The following PCDHGB4 variants were observed in gnomAD, a reference collection of about 807,000 sequenced individuals.
PCDHGB4 encodes the protein protocadherin gamma subfamily B, 4.
PCDHGB4 carries 38 observed loss-of-function variants against 60.5 expected under a neutral mutation model. The ratio of observed to expected loss-of-function variants is 0.63; its 90% CI spans 0.48 to 0.82. The LOEUF (loss-of-function observed/expected upper bound fraction) is 0.82, where lower values mean the gene tolerates loss of function less well. PCDHGB4 is among the 40% of genes least tolerant of loss of function. PCDHGB4 has a pLI of 0.00. For synonymous variants in PCDHGB4, 456 were observed against 509.7 expected (o/e 0.89, Z 1.42); for missense variants, 1,109 against 1,209.6 (o/e 0.92, Z 1.23).
chr5:141,394,325 T>G (rs563526295), intron 1 of PCDHGB4: 3 of 1,614,012 alleles, frequency 1.9e-6, no homozygotes, highest in South Asian at 2.2e-5. Flanking sequence ...TGTCCTCGTA[T>G]ATCTCCATCA....
At chr5:141,461,974 C>T (rs2099027742) in intron 1 of PCDHGB4, among the ~76,000 whole-genome samples, 1 of 152,202 alleles carries the variant, frequency 6.6e-6, no homozygotes, top group Non-Finnish European at 1.5e-5. Context: ...CAGGCATATG[C>T]CACCACGCCA....
At position 141,477,596 on chromosome 5, in the gene PCDHGB4, T is replaced by G. The variant is rs1364779381; in HGVS notation, c.2398-17211T>G. ...CGCCCCGCAGAATGCTCGGCTTTCTTTCTTTCTCTTGGAGCAAGGAGCTGA... is the reference window on the plus strand; with the variant it reads ...CGCCCCGCAGAATGCTCGGCTTTCTGTCTTTCTCTTGGAGCAAGGAGCTGA... On this transcript the variant is annotated intron_variant, in intron 1 of 3. Transcript: ENST00000519479. This position sits in a 1 kb window ranked among gnomAD's most constrained non-coding sequence, Gnocchi z 4.9. The G allele has an allele frequency of 6.2e-7, 1 of 1,614,184 alleles. No individual in the cohort carries two copies. The highest frequency in any genetic ancestry group is 1.1e-5 in the South Asian group (1 of 91,086).
intron 1 of PCDHGB4, among the ~76,000 whole-genome samples, chr5:141,472,422 C>T (rs1328468154): frequency 6.6e-6 from 1 of 152,008 alleles, no homozygotes; most frequent in East Asian, 1.9e-4. Flanking sequence ...GCACCTGTAT[C>T]CCAGCTACTA....
chr5:141,452,951 G>T (rs1397204185), intron 1 of PCDHGB4, among the ~76,000 whole-genome samples: 13 of 152,154 alleles, frequency 8.5e-5, no homozygotes, highest in Admixed American at 8.5e-4. Context: ...GCAATTGGTT[G>T]TCTTTAAACT....
chr5:141,491,233 G>T lies in PCDHGB4; in HGVS notation c.2398-3574G>T. 1 of 1,614,224 alleles carries T rather than the reference G, an allele frequency of 6.2e-7. No homozygotes were observed. The highest frequency in any genetic ancestry group is 2.2e-5 in the East Asian group (1 of 44,890). On this transcript the variant is annotated intron_variant, in intron 1 of 3. Transcript: ENST00000519479. The surrounding 1 kb of genome is among the most constrained non-coding windows in gnomAD (Gnocchi z 6.9). ...CTCCTCCACAGCCACAGTGCTGCTG[G>T]TTCTGGAGGATGAGGACCCTGAGGA...
At chr5:141,404,469 C>T (rs1239367876) in intron 1 of PCDHGB4, 3 of 1,612,966 alleles carry the variant, frequency 1.9e-6, no homozygotes, top group African/African-American at 1.3e-5. Flanking sequence ...ACCTATGTCT[C>T]TATTAACTCA....
chr5:141,389,450 G>C lies in PCDHGB4; in HGVS notation c.1566G>C (p.Gln522His). 6.2e-7 allele frequency: 1 copy of C among 1,610,530 alleles called. No individual in the cohort carries two copies. Among genetic ancestry groups the C allele is most frequent in the Non-Finnish European group, 8.5e-7 (1 of 1,178,364 alleles). ...CGCAGCGCGCCTTCGACCACGAGCA[G>C]CTGCGCGCCTTCGAACTCACACTGC... ...VFAQRAFDHEQLRAFELTLQA... is the reference protein window; with the variant it reads ...VFAQRAFDHEHLRAFELTLQA... Residue 522 changes from glutamine (Q) to histidine (H), a missense_variant, in exon 1 of 4, where the codon CAG (glutamine) becomes CAC (histidine). Gln to His is a conservative substitution (Grantham distance 24). Coordinates refer to ENST00000519479, the MANE Select transcript of PCDHGB4 (RefSeq NM_003736.4).
At chr5:141,502,082 G>A (rs538827992) in intron 2 of PCDHGB4, among the ~76,000 whole-genome samples, 1 of 152,252 alleles carries the variant, frequency 6.6e-6, no homozygotes, top group Non-Finnish European at 1.5e-5. Flanking sequence ...ACCTGGGGCT[G>A]AGAACACCTG....
In PCDHGB4 at chr5:141,389,528, G is replaced by A. The variant is rs200792478; in HGVS notation, c.1644G>A (p.Val548=). 1.2e-6 allele frequency: 2 copies of A among 1,613,210 alleles called. No homozygotes were observed. The highest frequency in any genetic ancestry group is 2.2e-5 in the East Asian group (1 of 44,880). Residue 548 remains valine, a synonymous_variant, in exon 1 of 4, where the codon GTG becomes GTA. Coordinates refer to ENST00000519479, the MANE Select transcript of PCDHGB4 (RefSeq NM_003736.4). ...PALSANVSLR[V]LVDDRNDNAP... is the part of the protein sequence containing the mutation. ...TCAGCGCGAACGTGAGCCTGCGCGTGTTAGTGGACGACCGCAACGACAATG... is the reference window on the plus strand; with the variant it reads ...TCAGCGCGAACGTGAGCCTGCGCGTATTAGTGGACGACCGCAACGACAATG...
chr5:141,415,269 G>T, intron 1 of PCDHGB4: 1 of 1,614,228 alleles, frequency 6.2e-7, no homozygotes, highest in African/African-American at 1.3e-5. Flanking sequence ...TGTACCTGGT[G>T]GTAGCGGTGG....
chr5:141,473,193 A>G (rs938175797), intron 1 of PCDHGB4, among the ~76,000 whole-genome samples: 2 of 152,232 alleles, frequency 1.3e-5, no homozygotes, highest in African/African-American at 4.8e-5. Flanking sequence ...GAGTAAATGT[A>G]TCTTCTAAAA....
In PCDHGB4 at chr5:141,432,122, G is replaced by C; in HGVS notation, c.2397+41841G>C. On this transcript the variant is annotated intron_variant, in intron 1 of 3. Transcript: ENST00000519479. This position sits in a 1 kb window ranked among gnomAD's most constrained non-coding sequence, Gnocchi z 6.0. ...CGACAACCCGCCGGTCTTCCCTCAG[G>C]CCTCCTATTCCGCTTATATCCCAGA... 6.2e-7 allele frequency: 1 copy of C among 1,614,052 alleles called. No homozygotes were observed. Among genetic ancestry groups the C allele is most frequent in the Non-Finnish European group, 8.5e-7 (1 of 1,180,022 alleles).
In PCDHGB4 at chr5:141,511,032, G is replaced by C. The variant is rs779589499; in HGVS notation, c.2631G>C (p.Gln877His). Residue 877 changes from glutamine to histidine, a missense_variant, in exon 4 of 4, where the codon CAG (glutamine) becomes CAC (histidine). Gln to His is a conservative substitution (Grantham distance 24). Coordinates refer to ENST00000519479, the MANE Select transcript of PCDHGB4 (RefSeq NM_003736.4). ...SARYGPQFTL[Q>H]HVPDYRQNVY... ...GCTACGGACCCCAGTTCACCCTGCA[G>C]CACGTGCCCGACTACCGCCAGAATG... 6.2e-7 allele frequency: 1 copy of C among 1,614,228 alleles called. No individual in the cohort carries two copies. The highest frequency in any genetic ancestry group is 8.5e-7 in the Non-Finnish European group (1 of 1,180,036).
At chr5:141,478,142 G>C in intron 1 of PCDHGB4, 1 of 1,613,988 alleles carries the variant, frequency 6.2e-7, no homozygotes, top group South Asian at 1.1e-5. Flanking sequence ...AGCCCGAGCC[G>C]AGTTCCCCTC....
At position 141,489,077 on chromosome 5, in the gene PCDHGB4, C is replaced by T. The variant is rs957205894; in HGVS notation, c.2398-5730C>T. 7 of 325,682 alleles carry T rather than the reference C, an allele frequency of 2.1e-5. 1 individual carries two copies. Among genetic ancestry groups the T allele is most frequent in the South Asian group, 1.5e-4 (3 of 20,214 alleles). 20.2% of individuals were successfully genotyped at this position (325,682 alleles called of 1,614,324 possible). The stretch of plus-strand genomic sequence containing the variant: ...AGCTCCCCTCCCCCCTGCCCACCCC[C>T]GCCACTCGGTGACTAAGAACTGCTG... On this transcript the variant is annotated intron_variant, in intron 1 of 3. Transcript: ENST00000519479. This position sits in a 1 kb window ranked among gnomAD's most constrained non-coding sequence, Gnocchi z 4.5.
intron 1 of PCDHGB4, among the ~76,000 whole-genome samples, chr5:141,447,063 G>C (rs762309557): frequency 6.6e-6 from 1 of 152,028 alleles, no homozygotes; most frequent in South Asian, 2.1e-4. Context: ...AATGTGTCAG[G>C]CTGTTTTAAT....
intron 1 of PCDHGB4, among the ~76,000 whole-genome samples, chr5:141,454,859 G>A (rs2098805080): frequency 7.9e-6 from 1 of 126,982 alleles, no homozygotes; most frequent in African/African-American, 3.1e-5. Flanking sequence ...CCAGGCTGGA[G>A]TGCAGTGGCA....
At chr5:141,467,649 T>C (rs2099147987) in intron 1 of PCDHGB4, among the ~76,000 whole-genome samples, 1 of 152,146 alleles carries the variant, frequency 6.6e-6, no homozygotes, top group Non-Finnish European at 1.5e-5. Flanking sequence ...TGTACCAAAC[T>C]TCTATAGTGC....
chr5:141,490,313 C>G lies in PCDHGB4; in HGVS notation c.2398-4494C>G. The G allele has an allele frequency of 6.2e-7, 1 of 1,614,222 alleles. No individual in the cohort carries two copies. The highest frequency in any genetic ancestry group is 8.5e-7 in the Non-Finnish European group (1 of 1,180,024). Reference sequence around the variant, plus strand: ...GTGCTATTGGCCTCTTTGGCCAACCCTGTCCTAGAGAGCACACCAGTGGGC... The same window carrying G: ...GTGCTATTGGCCTCTTTGGCCAACCGTGTCCTAGAGAGCACACCAGTGGGC... On this transcript the variant is annotated intron_variant, in intron 1 of 3. Transcript: ENST00000519479. The surrounding 1 kb of genome is among the most constrained non-coding windows in gnomAD (Gnocchi z 5.4).
Sources: allele counts gnomAD v4.1 joint callset (sites outside exome capture counted in the v4.1 genomes callset), GRCh38; gene constraint gnomAD v4.1.1; non-coding constraint Gnocchi (gnomAD v3.1); transcripts MANE v1.5; gene names NCBI Gene and HGNC (gene_info 2026-07-23, HGNC 2026-07-21).